Variants in MEP1A observed in about 807,000 individuals in gnomAD.
MEP1A encodes the protein meprin A subunit alpha.
A neutral mutation model predicts 84.5 loss-of-function variants in MEP1A; 68 were observed. That is an observed-to-expected ratio of 0.80 (90% CI 0.66 to 0.98). MEP1A has a LOEUF of 0.98. Among genes scored for constraint, MEP1A ranks in the 50% least tolerant of loss-of-function variants. MEP1A has a pLI of 0.00. For synonymous variants in MEP1A, 337 were observed against 336.8 expected (o/e 1.00, Z -0.01); for missense variants, 887 against 919.9 (o/e 0.96, Z 0.46).
At chr6:46,826,321 T>G in intron 8 of MEP1A, 33 bp from the exon 9 acceptor site, 1 of 1,568,920 alleles carries the variant, frequency 6.4e-7, no homozygotes, top group South Asian at 1.2e-5. Context: ...CTATCTTTCA[T>G]TTTTAACCAG....
rs190768394 is a variant in MEP1A, at chr6:46,824,781, A to T, written c.557-491A>T. On this transcript the variant is annotated intron_variant, in intron 7 of 13. Coordinates refer to ENST00000230588, the MANE Select transcript of MEP1A (RefSeq NM_005588.3). ...AAATATATATAAATTATGTATTTAA[A>T]TAGATGTATTTAAATATATATAAAT... Among the ~76,000 whole-genome samples, 559 of 63,744 alleles carry T rather than the reference A, an allele frequency of 8.8e-3. 13 individuals are homozygous for T. Among genetic ancestry groups the T allele is most frequent in the African/African-American group, 0.027 (348 of 12,704 alleles). The allele number at this position is 63,744 out of a possible 152,430, so 41.8% of individuals were successfully genotyped here.
downstream of MEP1A, among the ~76,000 whole-genome samples, chr6:46,840,035 GAA>G (rs56187349): frequency 5.1e-5 from 6 of 117,046 alleles, no homozygotes; most frequent in Admixed American, 8.7e-5. Context: ...TAGAGCAAGT[GAA>G]AAAAAAAAAA....
intron 9 of MEP1A, among the ~76,000 whole-genome samples, chr6:46,828,312 G>A (rs1767995179): frequency 6.6e-6 from 1 of 151,082 alleles, no homozygotes; most frequent in South Asian, 2.1e-4. Flanking sequence ...CAAATATTGA[G>A]AAGAAGATAC....
At chr6:46,811,130 A>G (rs1011067490) in intron 6 of MEP1A, among the ~76,000 whole-genome samples, 6 of 152,010 alleles carry the variant, frequency 3.9e-5, no homozygotes, top group Non-Finnish European at 7.4e-5. Context: ...TGTTTGTGTC[A>G]TCTATGATTT....
chr6:46,796,685 G>T (rs1767056856), intron 3 of MEP1A, among the ~76,000 whole-genome samples: 1 of 152,182 alleles, frequency 6.6e-6, no homozygotes, highest in African/African-American at 2.4e-5. Flanking sequence ...ATTGAGGCTT[G>T]CTCTCACTGG....
chr6:46,835,462 G>T lies in MEP1A; in HGVS notation c.1997G>T (p.Trp666Leu), dbSNP rs1421405458. The change falls in exon 13 of 14, where the codon TGG becomes TTG. Residue 666 changes from tryptophan to leucine, a missense_variant. By Grantham distance (61) the Trp-to-Leu change is moderately conservative. Transcript: ENST00000230588. The stretch of plus-strand genomic sequence containing the variant: ...ACAGGCCCCCTGGAGGACCATAACT[G>T]GCCACAGTACTTCAGAGACCCATGT... ...ENTGPLEDHN[W>L]PQYFRDPCDP... 3 of 1,613,040 alleles carry T rather than the reference G, an allele frequency of 1.9e-6. No individual in the cohort carries two copies. The highest frequency in any genetic ancestry group is 1.7e-6 in the Non-Finnish European group (2 of 1,179,576).
intron 5 of MEP1A, among the ~76,000 whole-genome samples, chr6:46,800,041 T>G (rs1384522681): frequency 6.6e-6 from 1 of 152,242 alleles, no homozygotes; most frequent in African/African-American, 2.4e-5. Flanking sequence ...TCCCTGTTTA[T>G]GGAGAACAGC....
intron 5 of MEP1A, among the ~76,000 whole-genome samples, chr6:46,803,102 A>T (rs964094189): frequency 6.6e-6 from 1 of 151,522 alleles, no homozygotes; most frequent in East Asian, 1.9e-4. Context: ...TTTCTTTCTT[A>T]AATGTTGGTA....
In MEP1A at chr6:46,799,131, C is replaced by G. The variant is rs764871094; in HGVS notation, c.212C>G (p.Pro71Arg). 1.2e-6 allele frequency: 2 copies of G among 1,613,246 alleles called. No individual in the cohort carries two copies. Among genetic ancestry groups the G allele is most frequent in the South Asian group, 2.2e-5 (2 of 91,058 alleles). ...AAATCCAGAAATGGCCTGAGAGACC[C>G]AAACACCAGGTGGACGTTCCCCATT... is the stretch of plus-strand genomic sequence containing the variant. ...LQKSRNGLRDPNTRWTFPIPY... is the reference protein window; with the variant it reads ...LQKSRNGLRDRNTRWTFPIPY... Residue 71 changes from proline (P) to arginine (R), a missense_variant, in exon 5 of 14, where the codon CCA becomes CGA. Physicochemically the swap from Pro to Arg is moderately radical, Grantham distance 103. Coordinates refer to ENST00000230588, the MANE Select transcript of MEP1A (RefSeq NM_005588.3).
chr6:46,805,745 T>C (rs1767297882), intron 5 of MEP1A, among the ~76,000 whole-genome samples: 1 of 151,996 alleles, frequency 6.6e-6, no homozygotes, highest in South Asian at 2.1e-4. Context: ...ATGCTTATGC[T>C]GATTTTCTTT....
chr6:46,817,254 G>C (rs1767662455), intron 6 of MEP1A, among the ~76,000 whole-genome samples: 1 of 152,214 alleles, frequency 6.6e-6, no homozygotes, highest in Non-Finnish European at 1.5e-5. Flanking sequence ...TGACTGGCAA[G>C]TGGTAACTTC....
chr6:46,823,927 T>G (rs1482276289), intron 7 of MEP1A, among the ~76,000 whole-genome samples: 1 of 152,166 alleles, frequency 6.6e-6, no homozygotes, highest in Non-Finnish European at 1.5e-5. Flanking sequence ...GATAGGAAAA[T>G]AAGTTTTCTT....
rs144695485 is a variant in MEP1A, at chr6:46,808,602, G to A, written c.263-818G>A. On this transcript the variant is annotated intron_variant, in intron 5 of 13. Coordinates refer to ENST00000230588, the MANE Select transcript of MEP1A (RefSeq NM_005588.3). Reference sequence around the variant, plus strand: ...AAAACATAATCTCAGTTTCTCTGGAGTATCTTTCTTTTCTACCCCATCTTT... The same window carrying A: ...AAAACATAATCTCAGTTTCTCTGGAATATCTTTCTTTTCTACCCCATCTTT... 5.5e-3 allele frequency among the ~76,000 whole-genome samples: 831 copies of A among 152,184 alleles called. 10 individuals are homozygous for A. Among genetic ancestry groups the A allele is most frequent in the African/African-American group, 0.018 (728 of 41,532 alleles).
chr6:46,824,483 A>C (rs189062381), intron 7 of MEP1A, among the ~76,000 whole-genome samples: 2,070 of 145,030 alleles, frequency 0.014, 41 homozygotes, highest in African/African-American at 0.048. Context: ...AATATAATTT[A>C]TATTTAAATA....
At chr6:46,806,236 A>T (rs1425709459) in intron 5 of MEP1A, among the ~76,000 whole-genome samples, 1 of 152,048 alleles carries the variant, frequency 6.6e-6, no homozygotes, top group Non-Finnish European at 1.5e-5. Context: ...TCTATCAATA[A>T]CAATTTCCTG....
At chr6:46,811,376 T>C (rs1313443345) in intron 6 of MEP1A, among the ~76,000 whole-genome samples, 2 of 151,930 alleles carry the variant, frequency 1.3e-5, no homozygotes, top group Admixed American at 6.6e-5. Context: ...TTTGGATGAG[T>C]CTTTAGGGTT....
intron 7 of MEP1A, among the ~76,000 whole-genome samples, chr6:46,825,027 A>G (rs1767896773): frequency 2.3e-5 from 2 of 87,332 alleles, no homozygotes; most frequent in African/African-American, 6.7e-5. Context: ...TTATATATTT[A>G]AATAGATCTA....
At chr6:46,841,418 A>G (rs757463922), downstream of MEP1A, among the ~76,000 whole-genome samples, 7 of 152,220 alleles carry the variant, frequency 4.6e-5, no homozygotes, top group Non-Finnish European at 1.0e-4. Context: ...AACCCTCAAT[A>G]ATTCCAGGAG....
chr6:46,804,532 T>C (rs1046854129), intron 5 of MEP1A, among the ~76,000 whole-genome samples: 1 of 151,774 alleles, frequency 6.6e-6, no homozygotes, highest in African/African-American at 2.4e-5. Context: ...TTTTGATGCA[T>C]TTCAAAGTCG....
Sources: allele counts gnomAD v4.1 joint callset (sites outside exome capture counted in the v4.1 genomes callset), GRCh38; gene constraint gnomAD v4.1.1; transcripts MANE v1.5; gene names NCBI Gene and HGNC (gene_info 2026-07-23, HGNC 2026-07-21).